TAF8: variants seen among roughly 807,000 people sequenced by gnomAD.
TAF8 encodes the protein transcription initiation factor TFIID subunit 8.
TAF8 carries 47 observed loss-of-function variants against 36.5 expected under a neutral mutation model. The ratio of observed to expected loss-of-function variants is 1.29; its 90% CI spans 1.02 to 1.64. TAF8 has a LOEUF of 1.64. Ranked by LOEUF, TAF8 falls within the 40% of genes most tolerant of loss-of-function variation. The probability of loss-of-function intolerance (pLI) is 0.00; values close to 1 mark genes in which losing one functional copy is unlikely to be tolerated. For missense variants in TAF8, 420 were observed against 407.6 expected (o/e 1.03, Z -0.26); for synonymous variants, 175 against 159.5 (o/e 1.10, Z -0.73).
rs201356964 is a variant in TAF8 at position 42,057,392 on chromosome 6, C to T, written c.368C>T (p.Pro123Leu). The change falls in exon 5 of 9, where the codon CCG (proline) becomes CTG (leucine). Residue 123 changes from proline to leucine, a missense_variant. Pro to Leu is a moderately conservative substitution (Grantham distance 98, BLOSUM62 -3). Coordinates refer to ENST00000372977, the MANE Select transcript of TAF8 (RefSeq NM_138572.3). The part of the protein sequence containing the change: ...RSQRMVITAP[P>L]VTNQPVTPKA... ...ATCAGTTGTGACTCTGTTGCAGCTC[C>T]GGTGACCAATCAGCCAGTGACCCCC... 8.7e-6 allele frequency: 14 copies of T among 1,613,902 alleles called. No homozygotes were observed. The highest frequency in any genetic ancestry group is 1.7e-5 in the Admixed American group (1 of 59,972).
At chr6:42,067,686 G>A (rs1407824374) in intron 6 of TAF8, among the ~76,000 whole-genome samples, 2 of 151,916 alleles carry the variant, frequency 1.3e-5, no homozygotes, top group East Asian at 3.9e-4. Context: ...TCCCACCTCA[G>A]CCTCCCTAGT....
chr6:42,083,670 T>G (rs1028992685), downstream of TAF8, among the ~76,000 whole-genome samples: 4 of 152,122 alleles, frequency 2.6e-5, no homozygotes, highest in African/African-American at 9.6e-5. Context: ...TTCTGTGTGA[T>G]GATGCCCCAC....
chr6:42,072,970 G>A (rs1271038713), intron 7 of TAF8, among the ~76,000 whole-genome samples: 1 of 152,054 alleles, frequency 6.6e-6, no homozygotes, highest in Non-Finnish European at 1.5e-5. Flanking sequence ...TGATCCGCCC[G>A]CCTCAGCCTC....
chr6:42,071,829 T>C (rs1315170297), intron 7 of TAF8, among the ~76,000 whole-genome samples: 1 of 152,154 alleles, frequency 6.6e-6, no homozygotes, highest in Non-Finnish European at 1.5e-5. Context: ...CATACCTTTG[T>C]AAGTACAATA....
At chr6:42,071,298 T>G (rs1765557582) in intron 7 of TAF8, 1 of 231,214 alleles carries the variant, frequency 4.3e-6, no homozygotes, top group South Asian at 4.3e-5. Flanking sequence ...AAGGTCTTAT[T>G]TGCCTGGACA....
intron 5 of TAF8, among the ~76,000 whole-genome samples, chr6:42,058,736 G>A (rs777997753): frequency 4.1e-4 from 62 of 152,278 alleles, no homozygotes; most frequent in Non-Finnish European, 7.6e-4. Context: ...CAAACCAGGT[G>A]ACTTAGAACA....
chr6:42,055,789 G>C (rs1764963739), intron 3 of TAF8, among the ~76,000 whole-genome samples, 160 bp downstream of exon 3: 1 of 152,160 alleles, frequency 6.6e-6, no homozygotes, highest in Admixed American at 6.5e-5. Context: ...ACACATCTAA[G>C]AGGCCTCATA....
chr6:42,055,227 C>T (rs1306651134), intron 2 of TAF8, among the ~76,000 whole-genome samples: 1 of 152,314 alleles, frequency 6.6e-6, no homozygotes. Flanking sequence ...CCTGGTCTAG[C>T]ATAATGTTTT....
At chr6:42,055,434 A>G (rs1258701734) in intron 2 of TAF8, 97 bp from the exon 3 acceptor site, 6 of 803,912 alleles carry the variant, frequency 7.5e-6, no homozygotes, top group Admixed American at 5.8e-5. Flanking sequence ...TCATTTATGT[A>G]TATACCTAGG....
intron 5 of TAF8, among the ~76,000 whole-genome samples, chr6:42,061,799 C>T (rs1765198136): frequency 6.6e-6 from 1 of 152,102 alleles, no homozygotes; most frequent in Non-Finnish European, 1.5e-5. Flanking sequence ...GACCTAATAT[C>T]TAAAAGGTTA....
chr6:42,055,760 T>C, intron 3 of TAF8, 131 bp downstream of exon 3: 1 of 803,486 alleles, frequency 1.2e-6, no homozygotes, highest in Non-Finnish European at 2.1e-6. Flanking sequence ...GAGAGAGTTA[T>C]CAAGAGAGAT....
At position 42,077,740 on chromosome 6, in the gene TAF8, T is replaced by A. The variant is rs959267670; in HGVS notation, c.*195T>A. 4.2e-6 allele frequency: 6 copies of A among 1,445,238 alleles called. No homozygotes were observed. The highest frequency in any genetic ancestry group is 2.9e-5 in the Admixed American group (1 of 34,962). The allele number at this position is 1,445,238 out of a possible 1,614,324, so 89.5% of individuals were successfully genotyped here. A position where few individuals can be genotyped will look rare whatever the true frequency, so the allele number is the denominator to read the frequency against. Reference sequence around the variant, plus strand: ...CTGGATGTTTGGGTTGAGGAAGATATGAACAGAATAATGAGAATTTTTTTT... The same window carrying A: ...CTGGATGTTTGGGTTGAGGAAGATAAGAACAGAATAATGAGAATTTTTTTT... On this transcript the variant is annotated 3_prime_UTR_variant, in exon 9 of 9. Transcript: ENST00000372977.
chr6:42,059,122 G>A (rs548754635), intron 5 of TAF8, among the ~76,000 whole-genome samples: 47 of 152,048 alleles, frequency 3.1e-4, no homozygotes, highest in Middle Eastern at 3.4e-3. Context: ...GGTGGCTCAC[G>A]CCTGTAATCC....
downstream of TAF8, chr6:42,086,859 C>T (rs531420675): frequency 1.5e-5 from 17 of 1,118,292 alleles, no homozygotes; most frequent in Non-Finnish European, 2.3e-5. Flanking sequence ...CTCCTTCCAG[C>T]CCTTGCTGGT....
At chr6:42,050,794 C>G (rs539525482) in intron 1 of TAF8, 1 of 909,676 alleles carries the variant, frequency 1.1e-6, no homozygotes, top group Non-Finnish European at 1.5e-6. Context: ...TTGGCTCGTT[C>G]GCTGTTGGGG....
chr6:42,061,343 A>G (rs183586666), intron 5 of TAF8, among the ~76,000 whole-genome samples: 1 of 152,352 alleles, frequency 6.6e-6, no homozygotes, highest in Non-Finnish European at 1.5e-5. Context: ...AATACAGTCT[A>G]AAGTAAACCA....
chr6:42,072,941 T>C (rs1765630768), intron 7 of TAF8, among the ~76,000 whole-genome samples: 1 of 151,940 alleles, frequency 6.6e-6, no homozygotes, highest in Non-Finnish European at 1.5e-5. Flanking sequence ...GCCAGGATGG[T>C]CTCGATCTCC....
chr6:42,068,474 C>A lies in TAF8; in HGVS notation c.647C>A (p.Ala216Asp). ...DDVSTFPLIA[A>D]RPFTIPYLTA... is the part of the protein sequence containing the mutation. ...TCTTCCAATTCGCCAGTGATTGCTG[C>A]CAGACCTTTCACCATCCCCTACCTG... Residue 216 changes from alanine to aspartate, a missense_variant, in exon 7 of 9, where the codon GCC becomes GAC. By Grantham distance (126) the Ala-to-Asp change is moderately radical (BLOSUM62 -2). Coordinates refer to ENST00000372977, the MANE Select transcript of TAF8 (RefSeq NM_138572.3). 6.2e-7 allele frequency: 1 copy of A among 1,614,024 alleles called. No homozygotes were observed. Among genetic ancestry groups the A allele is most frequent in the Non-Finnish European group, 8.5e-7 (1 of 1,180,012 alleles).
In TAF8 at chr6:42,079,404, A is replaced by G. The variant is rs951961040; in HGVS notation, c.*1859A>G. 10 of 985,350 alleles carry G rather than the reference A, an allele frequency of 1.0e-5. No individual in the cohort carries two copies. Among genetic ancestry groups the G allele is most frequent in the Middle Eastern group, 5.2e-4 (1 of 1,936 alleles). 61.0% of individuals were successfully genotyped at this position (985,350 alleles called of 1,614,324 possible). Reference sequence around the variant, plus strand: ...TAAGGAAGATGCTGGGCATGCTGATAGCTTTTCTGGTCTCCTAAGGAAGAG... The same window carrying G: ...TAAGGAAGATGCTGGGCATGCTGATGGCTTTTCTGGTCTCCTAAGGAAGAG... On this transcript the variant is annotated 3_prime_UTR_variant, in exon 9 of 9. Coordinates refer to ENST00000372977, the MANE Select transcript of TAF8 (RefSeq NM_138572.3).
Sources: gnomAD v4.1 joint callset for allele counts (sites outside exome capture counted in the v4.1 genomes callset) on GRCh38, gnomAD v4.1.1 for gene constraint, MANE v1.5 for transcripts, NCBI Gene and HGNC (gene_info 2026-07-23, HGNC 2026-07-21) for gene names.